The following GRIK2 variants were observed in gnomAD, a reference collection of about 807,000 sequenced individuals.
The protein encoded by GRIK2 is glutamate ionotropic receptor kainate type subunit 2.
Under a neutral mutation model 100.3 loss-of-function variants are expected in GRIK2, and 32 were observed. The observed-to-expected ratio is 0.32, with a 90% CI of 0.24 to 0.43. The LOEUF (loss-of-function observed/expected upper bound fraction) is 0.43, where lower values mean the gene tolerates loss of function less well. GRIK2 is among the 20% of genes least tolerant of loss of function. The pLI is 1.00. For synonymous variants in GRIK2, 417 were observed against 389.4 expected (o/e 1.07, Z -0.83); for missense variants, 843 against 1,114.9 (o/e 0.76, Z 3.47).
chr6:101,657,877 C>A (rs949524675), intron 4 of GRIK2, among the ~76,000 whole-genome samples: 1 of 151,880 alleles, frequency 6.6e-6, no homozygotes, highest in East Asian at 1.9e-4. Flanking sequence ...TCAGTCAAAT[C>A]TAGGATGAGG....
intron 2 of GRIK2, among the ~76,000 whole-genome samples, chr6:101,427,727 T>C (rs1769116925): frequency 6.6e-6 from 1 of 152,228 alleles, no homozygotes; most frequent in Admixed American, 6.5e-5. Context: ...AATTAAATGA[T>C]TCATTTAGGT....
At chr6:101,890,541 G>T (rs1378562065) in intron 12 of GRIK2, among the ~76,000 whole-genome samples, 1 of 151,938 alleles carries the variant, frequency 6.6e-6, no homozygotes, top group Non-Finnish European at 1.5e-5. Context: ...GACCAGCCTG[G>T]TCAACATAGG....
intron 2 of GRIK2, among the ~76,000 whole-genome samples, chr6:101,405,659 T>TA (rs910638026): frequency 6.6e-6 from 1 of 152,112 alleles, no homozygotes; most frequent in African/African-American, 2.4e-5. Context: ...ATATTCAGAT[T>TA]ATTAAACTTC....
chr6:102,046,430 C>G (rs1192253316), intron 15 of GRIK2, among the ~76,000 whole-genome samples: 1 of 151,970 alleles, frequency 6.6e-6, no homozygotes, highest in Non-Finnish European at 1.5e-5. Flanking sequence ...TTCCCCCATG[C>G]TCTTCTTGTG....
In GRIK2 at chr6:101,915,566, G is replaced by A. The variant is rs865884655; in HGVS notation, c.1749-9035G>A. The stretch of plus-strand genomic sequence containing the variant: ...CAGTATTTTAGGAAATTATTTCTTA[G>A]ACTTGTAATAACATTATAAAAGATA... On this transcript the variant is annotated intron_variant, in intron 12 of 16. Coordinates refer to ENST00000369134, the MANE Select transcript of GRIK2 (RefSeq NM_021956.5). 3.7e-4 allele frequency among the ~76,000 whole-genome samples: 40 copies of A among 106,752 alleles called. No homozygotes were observed. The Middle Eastern group carries it at 0.015, about 40-fold the overall frequency. 70.0% of individuals were successfully genotyped at this position (106,752 alleles called of 152,430 possible). A position where few individuals can be genotyped will look rare whatever the true frequency, so the allele number is the denominator to read the frequency against.
chr6:101,971,135 G>A (rs1278445670), intron 14 of GRIK2, among the ~76,000 whole-genome samples: 1 of 145,016 alleles, frequency 6.9e-6, no homozygotes, highest in Non-Finnish European at 1.5e-5. Flanking sequence ...GAAAATATTT[G>A]TAGATCAAAT....
At chr6:101,951,088 A>T (rs754762445) in intron 14 of GRIK2, among the ~76,000 whole-genome samples, 4 of 152,160 alleles carry the variant, frequency 2.6e-5, no homozygotes, top group Non-Finnish European at 4.4e-5. Context: ...TACCATATTA[A>T]TATATTTTAC....
At chr6:101,404,574 G>A (rs766283954) in intron 2 of GRIK2, among the ~76,000 whole-genome samples, 1 of 152,160 alleles carries the variant, frequency 6.6e-6, no homozygotes, top group Non-Finnish European at 1.5e-5. Flanking sequence ...CATCAGATTA[G>A]AAACTAGTTT....
intron 14 of GRIK2, among the ~76,000 whole-genome samples, chr6:101,945,979 T>C (rs1280309151): frequency 2.0e-5 from 3 of 151,308 alleles, no homozygotes; most frequent in African/African-American, 4.8e-5. Context: ...CAATATAAGA[T>C]TATTAATCAT....
chr6:101,602,600 G>T (rs1183560793), intron 2 of GRIK2, among the ~76,000 whole-genome samples: 1 of 151,200 alleles, frequency 6.6e-6, no homozygotes, highest in Admixed American at 6.6e-5. Context: ...ATTATACAGT[G>T]TATCTCCCTA....
intron 2 of GRIK2, among the ~76,000 whole-genome samples, chr6:101,617,503 A>C (rs498967): frequency 0.034 from 5,156 of 151,846 alleles, 261 homozygotes; most frequent in African/African-American, 0.11. Flanking sequence ...GTACAGATTT[A>C]TGTTTATCAG....
intron 10 of GRIK2, among the ~76,000 whole-genome samples, chr6:101,830,246 C>G (rs1396668302): frequency 6.6e-6 from 1 of 152,016 alleles, no homozygotes; most frequent in Non-Finnish European, 1.5e-5. Context: ...AACTGGACCA[C>G]TACTTTTCAC....
chr6:101,875,372 C>T (rs552986949), intron 11 of GRIK2, among the ~76,000 whole-genome samples: 11 of 151,520 alleles, frequency 7.3e-5, no homozygotes, highest in South Asian at 4.2e-4. Flanking sequence ...CATTTAGAAT[C>T]GGAGCATCCT....
chr6:101,579,497 T>G (rs1777958288), intron 2 of GRIK2, among the ~76,000 whole-genome samples: 1 of 151,972 alleles, frequency 6.6e-6, no homozygotes, highest in South Asian at 2.1e-4. Flanking sequence ...TCTCTTTCTT[T>G]CTTTTTCTTT....
intron 2 of GRIK2, among the ~76,000 whole-genome samples, chr6:101,534,902 C>T (rs958994930): frequency 3.3e-5 from 5 of 151,052 alleles, no homozygotes; most frequent in African/African-American, 4.9e-5. Context: ...GTTTATAAGC[C>T]GTGTACTTGA....
chr6:102,029,432 TTTGA>T (rs1261914128), intron 14 of GRIK2, among the ~76,000 whole-genome samples: 1 of 151,326 alleles, frequency 6.6e-6, no homozygotes, highest in African/African-American at 2.4e-5. Context: ...CATAGAAATA[TTTGA>T]TTAATTTCAT....
At chr6:101,471,214 A>G (rs1424784024) in intron 2 of GRIK2, among the ~76,000 whole-genome samples, 1 of 152,042 alleles carries the variant, frequency 6.6e-6, no homozygotes, top group Non-Finnish European at 1.5e-5. Flanking sequence ...ATTCCTTTAT[A>G]TTCTCTGAGG....
chr6:102,018,742 A>G (rs956566455), intron 14 of GRIK2, among the ~76,000 whole-genome samples: 10 of 152,070 alleles, frequency 6.6e-5, no homozygotes, highest in African/African-American at 2.4e-4. Flanking sequence ...TGACTCTTCA[A>G]TTTGTTTACC....
chr6:101,942,081 C>T (rs1790990344), intron 14 of GRIK2, among the ~76,000 whole-genome samples: 1 of 151,860 alleles, frequency 6.6e-6, no homozygotes, highest in Admixed American at 6.6e-5. Flanking sequence ...ATGATGGATG[C>T]TCTAGCTATG....
Sources: gnomAD v4.1 joint callset for allele counts (sites outside exome capture counted in the v4.1 genomes callset) on GRCh38, gnomAD v4.1.1 for gene constraint, MANE v1.5 for transcripts, NCBI Gene and HGNC (gene_info 2026-07-23, HGNC 2026-07-21) for gene names.